The following BAZ2B variants were observed in gnomAD, a reference collection of about 807,000 sequenced individuals.
BAZ2B encodes the protein bromodomain adjacent to zinc finger domain 2B.
Under a neutral mutation model 246.0 loss-of-function variants are expected in BAZ2B, and 91 were observed. The observed-to-expected ratio is 0.37, with a 90% confidence interval of 0.31 to 0.44. The LOEUF (loss-of-function observed/expected upper bound fraction) is 0.44. Ranked by LOEUF, BAZ2B falls within the 20% of genes least tolerant of loss-of-function variation. BAZ2B has a pLI of 1.00. For missense variants in BAZ2B, 2,332 were observed against 2,533.7 expected (o/e 0.92, Z 1.71); for synonymous variants, 855 against 860.0 (o/e 0.99, Z 0.10).
chr2:159,377,046 C>G (rs1430288874), intron 25 of BAZ2B, among the ~76,000 whole-genome samples: 1 of 152,144 alleles, frequency 6.6e-6, no homozygotes, highest in African/African-American at 2.4e-5. Context: ...CTCAACACAA[C>G]TCTACGGAAT....
intron 31 of BAZ2B, among the ~76,000 whole-genome samples, chr2:159,344,117 G>C (rs1289108280): frequency 6.6e-6 from 1 of 151,862 alleles, no homozygotes; most frequent in Non-Finnish European, 1.5e-5. Flanking sequence ...TGGTGGGAAT[G>C]TAAACTAGTA....
At chr2:159,318,199 A>G (rs1464047186), downstream of BAZ2B, among the ~76,000 whole-genome samples, 1 of 152,240 alleles carries the variant, frequency 6.6e-6, no homozygotes, top group Admixed American at 6.5e-5. Context: ...CCCATGGAGC[A>G]TCAGGCAGTT....
Position 159,389,458 on chromosome 2 carries a change from GT to G in BAZ2B, c.3102del (p.Lys1034AsnfsTer7). On this transcript the variant is annotated frameshift_variant, in exon 21 of 37. Transcript: ENST00000392783. LOFTEE classifies it high-confidence loss of function. The stretch of plus-strand genomic sequence containing the variant: ...TCTTTATTTAATCTTTTCTCATCAC[GT>G]TTTTCTTGTTTCAACCGCTCTTTTT... ...AEEKERLKQE[K>X]RDEKRLNKER... is the part of the protein sequence containing the mutation. 6.2e-7 allele frequency: 1 copy of G among 1,605,502 alleles called. No homozygotes were observed. The highest frequency in any genetic ancestry group is 8.5e-7 in the Non-Finnish European group (1 of 1,176,790).
intron 1 of BAZ2B, among the ~76,000 whole-genome samples, chr2:159,586,815 T>C (rs1392032102): frequency 1.3e-5 from 2 of 152,150 alleles, no homozygotes; most frequent in African/African-American, 4.8e-5. Context: ...ATATAAACTC[T>C]AAAACTAAAA....
intron 2 of BAZ2B, among the ~76,000 whole-genome samples, chr2:159,524,018 A>G (rs138809995): frequency 5.3e-5 from 8 of 152,194 alleles, no homozygotes; most frequent in African/African-American, 1.9e-4. Context: ...ATGTTTCTAT[A>G]AACTATTGGA....
the BAZ2B span, among the ~76,000 whole-genome samples, chr2:159,631,679 A>G: frequency 1.1e-4 from 16 of 152,350 alleles, no homozygotes; most frequent in South Asian, 4.1e-4. Flanking sequence ...TAGAAACATA[A>G]CAAATGTGTA....
chr2:159,703,006 T>C, the BAZ2B span, among the ~76,000 whole-genome samples: 2 of 151,822 alleles, frequency 1.3e-5, no homozygotes, highest in Admixed American at 6.6e-5. Context: ...ATTGCACCAC[T>C]GCACTCCAGC....
chr2:159,416,749 C>T (rs2149991077), intron 13 of BAZ2B, among the ~76,000 whole-genome samples: 1 of 152,260 alleles, frequency 6.6e-6, no homozygotes, highest in South Asian at 2.1e-4. Flanking sequence ...CACATTTTTG[C>T]CCTTGGCATT....
chr2:159,359,275 A>G (rs2059433265), intron 27 of BAZ2B, among the ~76,000 whole-genome samples: 1 of 152,232 alleles, frequency 6.6e-6, no homozygotes, highest in Admixed American at 6.5e-5. Context: ...TAAAGTGGAT[A>G]TCACCACTGA....
At chr2:159,498,382 C>A (rs1159150009) in intron 2 of BAZ2B, among the ~76,000 whole-genome samples, 1 of 151,862 alleles carries the variant, frequency 6.6e-6, no homozygotes, top group Non-Finnish European at 1.5e-5. Flanking sequence ...CACAGGTAAA[C>A]CTAAAGAGGT....
At chr2:159,565,492 C>T (rs1166109778) in intron 1 of BAZ2B, among the ~76,000 whole-genome samples, 3 of 152,042 alleles carry the variant, frequency 2.0e-5, no homozygotes, top group African/African-American at 7.2e-5. Flanking sequence ...CTAATAAATG[C>T]TTAAGGCCAG....
intron 9 of BAZ2B, 76 bp from the exon 10 acceptor site, chr2:159,431,232 T>C: frequency 4.0e-6 from 6 of 1,502,788 alleles, no homozygotes; most frequent in Non-Finnish European, 5.3e-6. Flanking sequence ...CTAAATGGAC[T>C]AGCTCAGGAA....
intron 27 of BAZ2B, among the ~76,000 whole-genome samples, chr2:159,358,151 TAA>T (rs1041549321): frequency 2.6e-5 from 4 of 152,144 alleles, no homozygotes; most frequent in Non-Finnish European, 5.9e-5. Context: ...ATGCCCCAAT[TAA>T]AAGACACAGA....
intron 16 of BAZ2B, 57 bp from the exon 17 acceptor site, chr2:159,400,721 T>C (rs1174796985): frequency 8.8e-6 from 9 of 1,023,468 alleles, no homozygotes; most frequent in Admixed American, 2.1e-5. Flanking sequence ...GAGTAAAGAG[T>C]ATTTGAGTGG....
At chr2:159,336,272 G>T (rs982343540) in intron 33 of BAZ2B, among the ~76,000 whole-genome samples, 2 of 152,194 alleles carry the variant, frequency 1.3e-5, no homozygotes, top group Non-Finnish European at 2.9e-5. Context: ...ATGATTTAAA[G>T]TAAATATTTC....
chr2:159,506,257 G>T (rs2082315978), intron 2 of BAZ2B, among the ~76,000 whole-genome samples: 1 of 152,070 alleles, frequency 6.6e-6, no homozygotes, highest in African/African-American at 2.4e-5. Flanking sequence ...ATGGTCTATT[G>T]CTTCTTGAGG....
chr2:159,345,677 C>T (rs984500614), intron 31 of BAZ2B, among the ~76,000 whole-genome samples: 3 of 152,222 alleles, frequency 2.0e-5, no homozygotes, highest in African/African-American at 7.2e-5. Context: ...CTAGAATTGG[C>T]AAATGAGTTG....
intron 27 of BAZ2B, among the ~76,000 whole-genome samples, chr2:159,354,089 G>T (rs940616113): frequency 1.3e-5 from 2 of 152,088 alleles, no homozygotes; most frequent in African/African-American, 4.8e-5. Flanking sequence ...ATACCTGTGT[G>T]TTCCAATCCT....
At chr2:159,539,798 G>A (rs998401134) in intron 2 of BAZ2B, among the ~76,000 whole-genome samples, 1 of 151,884 alleles carries the variant, frequency 6.6e-6, no homozygotes, top group Non-Finnish European at 1.5e-5. Context: ...TTTTTTAAAT[G>A]ATATCTGCCT....
Sources: gnomAD v4.1 joint callset for allele counts (sites outside exome capture counted in the v4.1 genomes callset) on GRCh38, gnomAD v4.1.1 for gene constraint, MANE v1.5 for transcripts, NCBI Gene and HGNC (gene_info 2026-07-23, HGNC 2026-07-21) for gene names.